Variants in LAMA2 observed in about 807,000 individuals in gnomAD.
LAMA2 encodes the protein laminin subunit alpha 2.
A neutral mutation model predicts 364.8 loss-of-function variants in LAMA2; 269 were observed. The observed-to-expected ratio is 0.74, with a 90% CI of 0.67 to 0.82. The LOEUF (loss-of-function observed/expected upper bound fraction) is 0.82, where lower values mean the gene tolerates loss of function less well. Among genes scored for constraint, LAMA2 ranks in the 40% least tolerant of loss-of-function variants. The pLI is 0.00. For missense variants in LAMA2, 3,807 were observed against 3,873.2 expected (o/e 0.98, Z 0.45); for synonymous variants, 1,379 against 1,370.6 (o/e 1.01, Z -0.14).
chr6:129,091,612 A>G (rs1774833750), intron 3 of LAMA2, among the ~76,000 whole-genome samples: 1 of 152,212 alleles, frequency 6.6e-6, no homozygotes, highest in African/African-American at 2.4e-5. Flanking sequence ...TTAATAATTC[A>G]GTGACAATTA....
intron 16 of LAMA2, among the ~76,000 whole-genome samples, chr6:129,268,235 A>G (rs972700282): frequency 1.3e-5 from 2 of 152,136 alleles, no homozygotes; most frequent in African/African-American, 4.8e-5. Context: ...ATGAAGCATG[A>G]GAGCCTTAAT....
intron 31 of LAMA2, among the ~76,000 whole-genome samples, chr6:129,351,759 G>T (rs1647748553): frequency 6.6e-6 from 1 of 151,972 alleles, no homozygotes; most frequent in South Asian, 2.1e-4. Context: ...ATCTGAATCT[G>T]CTTAGAATAC....
chr6:129,306,931 G>T (rs760649141), intron 22 of LAMA2, among the ~76,000 whole-genome samples: 4 of 151,852 alleles, frequency 2.6e-5, no homozygotes, highest in Admixed American at 6.5e-5. Flanking sequence ...TTTTATTGCA[G>T]GACTATTCCT....
rs539522292 is a variant in LAMA2, at chr6:129,270,768, C to T, written c.2450+17C>T. The T allele has an allele frequency of 6.2e-7, 1 of 1,612,164 alleles. No individual in the cohort carries two copies. The highest frequency in any genetic ancestry group is 1.3e-5 in the African/African-American group (1 of 74,940). ...ATCCAATAAGTAAGTAACAAACTTACCCCATGAATAAGCTCAGCATCCATT... is the reference window on the plus strand; with the variant it reads ...ATCCAATAAGTAAGTAACAAACTTATCCCATGAATAAGCTCAGCATCCATT... On this transcript the variant is annotated intron_variant, in intron 17 of 64. Coordinates refer to ENST00000421865, the MANE Select transcript of LAMA2 (RefSeq NM_000426.4).
intron 2 of LAMA2, among the ~76,000 whole-genome samples, chr6:129,054,027 A>G (rs1439002581): frequency 6.6e-6 from 1 of 152,194 alleles, no homozygotes; most frequent in African/African-American, 2.4e-5. Context: ...ATATTAGAAG[A>G]TACATACTTT....
intron 3 of LAMA2, among the ~76,000 whole-genome samples, chr6:129,088,399 A>G (rs1774535339): frequency 6.6e-6 from 1 of 152,070 alleles, no homozygotes; most frequent in Admixed American, 6.5e-5. Context: ...GTTCTCAATG[A>G]GCTGCTGGGT....
Position 129,300,697 on chromosome 6 carries a change from T to C in LAMA2, c.3038-39T>C, listed in dbSNP as rs768283037. 10 of 1,609,658 alleles carry C rather than the reference T, an allele frequency of 6.2e-6. No homozygotes were observed. In the South Asian group the frequency reaches 1.1e-4, roughly 18 times the overall value. ...AACACTTTGTGTCAAATTTTTACTATTTTTCCCCTTCTTTGTTTTCCCTCT... is the reference window on the plus strand; with the variant it reads ...AACACTTTGTGTCAAATTTTTACTACTTTTCCCCTTCTTTGTTTTCCCTCT... On this transcript the variant is annotated intron_variant, in intron 21 of 64. Coordinates refer to ENST00000421865, the MANE Select transcript of LAMA2 (RefSeq NM_000426.4).
At chr6:129,105,972 C>T (rs888660159) in intron 4 of LAMA2, among the ~76,000 whole-genome samples, 2 of 152,144 alleles carry the variant, frequency 1.3e-5, no homozygotes, top group Non-Finnish European at 2.9e-5. Flanking sequence ...GATTTTGCTT[C>T]CATTTCCTCA....
chr6:129,110,722 T>C (rs1179748046), intron 4 of LAMA2, among the ~76,000 whole-genome samples: 1 of 152,020 alleles, frequency 6.6e-6, no homozygotes, highest in African/African-American at 2.4e-5. Context: ...TAATCTCTGG[T>C]CCAGGTCCAG....
intron 18 of LAMA2, among the ~76,000 whole-genome samples, chr6:129,280,520 G>A (rs1328615302): frequency 2.0e-5 from 3 of 152,144 alleles, no homozygotes; most frequent in Non-Finnish European, 4.4e-5. Context: ...TCCTTAAAAT[G>A]TAGCTTAAAT....
chr6:129,495,290 C>T (rs1785103054), intron 58 of LAMA2, among the ~76,000 whole-genome samples: 1 of 152,142 alleles, frequency 6.6e-6, no homozygotes. Context: ...ATAGCTAAGT[C>T]TTCTCCTTCC....
At chr6:129,476,095 C>G (rs1282527537) in intron 53 of LAMA2, among the ~76,000 whole-genome samples, 2 of 152,158 alleles carry the variant, frequency 1.3e-5, no homozygotes, top group Non-Finnish European at 2.9e-5. Flanking sequence ...AAGCTGTGAG[C>G]AATGGGCCTC....
intron 62 of LAMA2, among the ~76,000 whole-genome samples, chr6:129,507,992 C>CTTCCT (rs56255896): frequency 2.0e-5 from 3 of 151,230 alleles, no homozygotes; most frequent in Admixed American, 2.0e-4. Flanking sequence ...TGATTTTTTT[C>CTTCCT]TTCAATTCCC....
At chr6:129,209,904 T>C (rs967896676) in intron 12 of LAMA2, among the ~76,000 whole-genome samples, 3 of 147,092 alleles carry the variant, frequency 2.0e-5, no homozygotes, top group Non-Finnish European at 4.4e-5. Context: ...CTCGGGAGGC[T>C]GAGGCAGGAG....
chr6:129,193,004 C>A, intron 12 of LAMA2, 151 bp downstream of exon 12: 1 of 856,912 alleles, frequency 1.2e-6, no homozygotes, highest in Non-Finnish European at 1.9e-6. Context: ...TTGGGCGTTT[C>A]TTCCATGTTG....
chr6:129,267,247 G>C (rs764919105), intron 16 of LAMA2, 28 bp downstream of exon 16: 54 of 1,430,990 alleles, frequency 3.8e-5, no homozygotes, highest in Non-Finnish European at 5.2e-5. Flanking sequence ...TGGGGATGCT[G>C]ATTGACAAGG....
chr6:128,908,421 G>A (rs1328568120), intron 1 of LAMA2, among the ~76,000 whole-genome samples: 23 of 149,664 alleles, frequency 1.5e-4, no homozygotes, highest in African/African-American at 3.2e-4. Context: ...GTTTATTTGC[G>A]TAGAGGTGTT....
intron 1 of LAMA2, among the ~76,000 whole-genome samples, chr6:128,984,228 A>G (rs1305982611): frequency 6.6e-6 from 1 of 152,120 alleles, no homozygotes; most frequent in African/African-American, 2.4e-5. Context: ...TTCTGCAATG[A>G]TGCTGGTATA....
At chr6:129,484,815 G>T (rs1011149535) in intron 55 of LAMA2, among the ~76,000 whole-genome samples, 5 of 152,090 alleles carry the variant, frequency 3.3e-5, no homozygotes, top group African/African-American at 1.2e-4. Flanking sequence ...GGAGAAGCAA[G>T]GAGATGGTAT....
Sources: gnomAD v4.1 joint callset for allele counts (sites outside exome capture counted in the v4.1 genomes callset) on GRCh38, gnomAD v4.1.1 for gene constraint, MANE v1.5 for transcripts, NCBI Gene and HGNC (gene_info 2026-07-23, HGNC 2026-07-21) for gene names.